The following ROCK1 variants were observed in gnomAD, a reference collection of about 807,000 sequenced individuals.
ROCK1 encodes the protein Rho associated coiled-coil containing protein kinase 1.
Under a neutral mutation model 196.8 loss-of-function variants are expected in ROCK1, and 36 were observed. The observed-to-expected ratio is 0.18, with a 90% CI of 0.14 to 0.24. The LOEUF (loss-of-function observed/expected upper bound fraction) is 0.24, where lower values mean the gene tolerates loss of function less well. Ranked by LOEUF, ROCK1 falls within the 10% of genes least tolerant of loss-of-function variation. The pLI is 1.00. For missense variants in ROCK1, 920 were observed against 1,562.0 expected (o/e 0.59, Z 6.93); for synonymous variants, 443 against 515.9 (o/e 0.86, Z 1.91).
At chr18:21,009,405 G>C (rs1356175308) in intron 13 of ROCK1, among the ~76,000 whole-genome samples, 2 of 151,754 alleles carry the variant, frequency 1.3e-5, no homozygotes, top group Non-Finnish European at 2.9e-5. Context: ...TCTTGTGGCT[G>C]AGTATTCCAT....
intron 16 of ROCK1, among the ~76,000 whole-genome samples, chr18:20,999,690 T>C (rs757134637): frequency 3.9e-5 from 6 of 152,226 alleles, no homozygotes; most frequent in Non-Finnish European, 5.9e-5. Flanking sequence ...TGTTCATGGA[T>C]TGGAAGACTT....
intron 16 of ROCK1, among the ~76,000 whole-genome samples, chr18:21,004,787 C>T (rs192862268): frequency 6.6e-6 from 1 of 152,274 alleles, no homozygotes; most frequent in Non-Finnish European, 1.5e-5. Flanking sequence ...CCTAGGAAAA[C>T]AATTTAAGGA....
rs555136862 is a variant in ROCK1, at chr18:20,978,475, C to A, written c.2654+1435G>T. Among the ~76,000 whole-genome samples the A allele has an allele frequency of 5.3e-4, 80 of 152,296 alleles. 1 individual carries two copies. The highest frequency in any genetic ancestry group is 9.6e-4 in the Non-Finnish European group (65 of 68,030). The stretch of plus-strand genomic sequence containing the variant: ...TCTATTATAATATGGTAGACACTAA[C>A]TGCATGTGACTACTGAGCACCTGAA... On this transcript the variant is annotated intron_variant, in intron 22 of 32. Coordinates refer to ENST00000399799, the MANE Select transcript of ROCK1 (RefSeq NM_005406.3).
chr18:20,958,892 T>TA (rs1491119575), intron 29 of ROCK1, among the ~76,000 whole-genome samples: 6 of 52,952 alleles, frequency 1.1e-4, no homozygotes, highest in African/African-American at 6.9e-4. Context: ...AATATATATA[T>TA]TTATTTATAT....
At chr18:20,952,244 T>A (rs1381658634) in intron 32 of ROCK1, among the ~76,000 whole-genome samples, 2 of 151,762 alleles carry the variant, frequency 1.3e-5, no homozygotes, top group Non-Finnish European at 2.9e-5. Flanking sequence ...TAGCAGGCCG[T>A]GGTGGCATGT....
intron 27 of ROCK1, among the ~76,000 whole-genome samples, chr18:20,964,069 T>C (rs1298961297): frequency 6.6e-6 from 1 of 152,120 alleles, no homozygotes; most frequent in Admixed American, 6.5e-5. Flanking sequence ...ATCTTTATAC[T>C]GAATGATGAA....
chr18:21,019,413 A>G (rs879340984), intron 12 of ROCK1, among the ~76,000 whole-genome samples: 14 of 152,108 alleles, frequency 9.2e-5, no homozygotes, highest in Non-Finnish European at 1.9e-4. Context: ...GTGCAGCCTA[A>G]TTTGCCCTTT....
intron 27 of ROCK1, among the ~76,000 whole-genome samples, chr18:20,965,479 C>T (rs1168936918): frequency 6.6e-6 from 1 of 151,998 alleles, no homozygotes; most frequent in African/African-American, 2.4e-5. Flanking sequence ...TACATACATA[C>T]ATAGAGTAAG....
At chr18:20,996,944 A>G (rs2035676493) in intron 16 of ROCK1, among the ~76,000 whole-genome samples, 1 of 152,178 alleles carries the variant, frequency 6.6e-6, no homozygotes, top group Non-Finnish European at 1.5e-5. Context: ...AAAGACATAC[A>G]ACAGATAGAT....
intron 1 of ROCK1, among the ~76,000 whole-genome samples, chr18:21,095,777 G>C (rs1453241167): frequency 1.3e-5 from 2 of 151,698 alleles, no homozygotes; most frequent in Non-Finnish European, 2.9e-5. Flanking sequence ...TCTAGTATTT[G>C]ATAGCACAAC....
chr18:21,049,367 C>T, intron 3 of ROCK1, 138 bp from the exon 4 acceptor site: 1 of 676,254 alleles, frequency 1.5e-6, no homozygotes, highest in East Asian at 2.9e-5. Context: ...TATTTCTTCT[C>T]TTCTGCCAAA....
At chr18:20,969,924 G>A (rs1248169418) in intron 23 of ROCK1, 1 of 153,746 alleles carries the variant, frequency 6.5e-6, no homozygotes, top group African/African-American at 2.4e-5. Context: ...TGGAGTATTG[G>A]TTTTCTTATA....
At chr18:21,100,706 G>C (rs2036652240) in intron 1 of ROCK1, among the ~76,000 whole-genome samples, 1 of 152,104 alleles carries the variant, frequency 6.6e-6, no homozygotes, top group Non-Finnish European at 1.5e-5. Context: ...GGTAATGGGA[G>C]ATCTCAGAAG....
chr18:21,085,648 C>T (rs2036520655), intron 1 of ROCK1, among the ~76,000 whole-genome samples: 1 of 152,110 alleles, frequency 6.6e-6, no homozygotes, highest in African/African-American at 2.4e-5. Context: ...GCTTAAGATA[C>T]CAAGTTAAGA....
At chr18:21,001,627 T>C (rs1259071433) in intron 16 of ROCK1, among the ~76,000 whole-genome samples, 1 of 152,010 alleles carries the variant, frequency 6.6e-6, no homozygotes, top group Admixed American at 6.5e-5. Flanking sequence ...TAGCTGGGCA[T>C]GGTGGCGCAT....
chr18:21,068,537 G>A (rs575678000), intron 2 of ROCK1, among the ~76,000 whole-genome samples: 2 of 152,164 alleles, frequency 1.3e-5, no homozygotes, highest in East Asian at 1.9e-4. Context: ...GAGAATATAC[G>A]GACTCTATAG....
At chr18:21,051,678 T>C (rs138562239) in intron 2 of ROCK1, among the ~76,000 whole-genome samples, 393 of 152,224 alleles carry the variant, frequency 2.6e-3, no homozygotes, top group Non-Finnish European at 4.7e-3. Flanking sequence ...GTTTTCACAT[T>C]AAAGTTTAAA....
At chr18:21,058,016 G>T (rs1387508718) in intron 2 of ROCK1, among the ~76,000 whole-genome samples, 4 of 152,006 alleles carry the variant, frequency 2.6e-5, no homozygotes, top group Non-Finnish European at 4.4e-5. Context: ...AAATTGTGTT[G>T]AATATTTAAT....
chr18:21,012,459 T>A (rs1393333870), intron 13 of ROCK1, among the ~76,000 whole-genome samples: 3 of 152,192 alleles, frequency 2.0e-5, no homozygotes, highest in Non-Finnish European at 2.9e-5. Flanking sequence ...CCTGAAAAAG[T>A]CATGCCACTT....
Sources: gnomAD v4.1 joint callset for allele counts (sites outside exome capture counted in the v4.1 genomes callset) on GRCh38, gnomAD v4.1.1 for gene constraint, MANE v1.5 for transcripts, NCBI Gene and HGNC (gene_info 2026-07-23, HGNC 2026-07-21) for gene names.